Variants in CMKLR2 observed in about 807,000 individuals in gnomAD.
CMKLR2 encodes chemerin-like receptor 2.
Under a neutral mutation model 23.0 loss-of-function variants are expected in CMKLR2, and 18 were observed. That is an observed-to-expected ratio of 0.78 (90% CI 0.54 to 1.16). The LOEUF (loss-of-function observed/expected upper bound fraction) is 1.16, where lower values mean the gene tolerates loss of function less well. Ranked by LOEUF, CMKLR2 falls within the 50% of genes most tolerant of loss-of-function variation. CMKLR2 has a pLI of 0.00. For synonymous variants in CMKLR2, 158 were observed against 158.9 expected (o/e 0.99, Z 0.05); for missense variants, 401 against 412.7 (o/e 0.97, Z 0.25).
chr2:206,201,659 A>C (rs77497798), intron 1 of CMKLR2, among the ~76,000 whole-genome samples: 6,308 of 152,242 alleles, frequency 0.041, 187 homozygotes, highest in East Asian at 0.12. Context: ...ACAGCTAAAA[A>C]AAAAAAAAAG....
chr2:206,213,361 G>A lies in CMKLR2; in HGVS notation c.-83C>T, dbSNP rs972263587. ...TTGTCATGCCTGGGTGTACCTTCCC[G>A]GTTCCAGAATGAAATGGAGGGTGGT... is the stretch of plus-strand genomic sequence containing the variant. On this transcript the variant is annotated 5_prime_UTR_variant, in exon 1 of 2. Transcript: ENST00000621141. The A allele has an allele frequency of 1.3e-5, 2 of 152,150 alleles. No homozygotes were observed. The highest frequency in any genetic ancestry group is 2.4e-5 in the African/African-American group (1 of 41,430). 9.4% of individuals were successfully genotyped at this position (152,150 alleles called of 1,614,324 possible).
rs552157944 is a variant in CMKLR2 at position 206,196,275 on chromosome 2, G to A, written c.-29+17032C>T. On this transcript the variant is annotated intron_variant, in intron 1 of 1. Coordinates refer to ENST00000621141, the MANE Select transcript of CMKLR2 (RefSeq NM_001389445.1). ...CTGTAATCCGAGCTACTTGGAGGTC[G>A]AGGCAGGAGAATCGCTGGAACCCTG... Among the ~76,000 whole-genome samples, 11 of 152,188 alleles carry A rather than the reference G, an allele frequency of 7.2e-5. 1 individual carries two copies. The East Asian group carries it at 1.2e-3, about 16-fold the overall frequency.
chr2:206,213,401 C>T (rs1171172622), upstream of CMKLR2: 3 of 152,202 alleles, frequency 2.0e-5, no homozygotes, highest in African/African-American at 7.2e-5. Context: ...AGAACGGCTG[C>T]ATTCCTCATT....
chr2:206,213,166 T>C (rs541429753), intron 1 of CMKLR2, 141 bp downstream of exon 1: 75 of 152,378 alleles, frequency 4.9e-4, no homozygotes, highest in African/African-American at 1.6e-3. Context: ...GAGCATTTTG[T>C]AAACGATCAG....
intron 1 of CMKLR2, among the ~76,000 whole-genome samples, chr2:206,183,219 G>A (rs1576038796): frequency 6.6e-6 from 1 of 152,138 alleles, no homozygotes; most frequent in Non-Finnish European, 1.5e-5. Context: ...GGCCCATGGG[G>A]TGGTCTGAAT....
At chr2:206,194,382 G>A (rs969101296) in intron 1 of CMKLR2, among the ~76,000 whole-genome samples, 8 of 151,492 alleles carry the variant, frequency 5.3e-5, no homozygotes, top group African/African-American at 1.7e-4. Flanking sequence ...AGACTTGCTC[G>A]TTGACCACAA....
chr2:206,189,537 A>T (rs1688686045), intron 1 of CMKLR2, among the ~76,000 whole-genome samples: 1 of 152,006 alleles, frequency 6.6e-6, no homozygotes, highest in Non-Finnish European at 1.5e-5. Flanking sequence ...CAGGAGGCTG[A>T]GGGAGGAGAA....
At chr2:206,212,589 G>A (rs561614558) in intron 1 of CMKLR2, among the ~76,000 whole-genome samples, 2 of 152,318 alleles carry the variant, frequency 1.3e-5, no homozygotes, top group East Asian at 1.9e-4. Context: ...GGTGCTCACA[G>A]TTTCTGACTA....
upstream of CMKLR2, among the ~76,000 whole-genome samples, chr2:206,214,068 A>C (rs1327818445): frequency 6.6e-6 from 1 of 150,634 alleles, no homozygotes; most frequent in Non-Finnish European, 1.5e-5. Context: ...TGGCCCGGCT[A>C]GTCTTGAATT....
intron 1 of CMKLR2, among the ~76,000 whole-genome samples, chr2:206,187,301 A>T (rs865949806): frequency 6.6e-6 from 1 of 152,284 alleles, no homozygotes; most frequent in East Asian, 1.9e-4. Context: ...TAAAATAAAA[A>T]AAAGAATGAA....
At chr2:206,177,590 T>C (rs1688274684) in intron 1 of CMKLR2, among the ~76,000 whole-genome samples, 1 of 152,160 alleles carries the variant, frequency 6.6e-6, no homozygotes. Flanking sequence ...TCTCACTATG[T>C]TGCCCAGGCT....
In CMKLR2 at chr2:206,211,828, C is replaced by CTTTT. The variant is rs370176400; in HGVS notation, c.-29+1475_-29+1478dup. On this transcript the variant is annotated intron_variant, in intron 1 of 1. Transcript: ENST00000621141. ...AAATTCTAACTACCCATCTGAGTCA[C>CTTTT]TTTTTTTTTTTTTTTTTTTTAAGCT... Among the ~76,000 whole-genome samples the CTTTT allele has an allele frequency of 7.5e-5, 8 of 106,380 alleles. 1 individual carries two copies. The highest frequency in any genetic ancestry group is 6.8e-3 in the Middle Eastern group (1 of 146). The allele number at this position is 106,380 out of a possible 152,430, so 69.8% of individuals were successfully genotyped here. A position where few individuals can be genotyped will look rare whatever the true frequency, so the allele number is the denominator to read the frequency against.
intron 1 of CMKLR2, among the ~76,000 whole-genome samples, chr2:206,178,689 A>C (rs1468100570): frequency 6.6e-6 from 1 of 151,992 alleles, no homozygotes; most frequent in Non-Finnish European, 1.5e-5. Flanking sequence ...ACCTCCCGTT[A>C]CAGAGGCTGG....
upstream of CMKLR2, among the ~76,000 whole-genome samples, chr2:206,214,695 C>A (rs1174158313): frequency 6.6e-6 from 1 of 152,016 alleles, no homozygotes; most frequent in African/African-American, 2.4e-5. Flanking sequence ...ACGATCTCGG[C>A]TCACTGCAAG....
intron 1 of CMKLR2, among the ~76,000 whole-genome samples, chr2:206,195,277 G>A (rs765477358): frequency 2.6e-5 from 4 of 152,168 alleles, no homozygotes; most frequent in Admixed American, 2.0e-4. Flanking sequence ...AGGAACCAGT[G>A]AGAAAGGAGG....
chr2:206,194,261 T>C (rs984501545), intron 1 of CMKLR2, among the ~76,000 whole-genome samples: 5 of 152,272 alleles, frequency 3.3e-5, no homozygotes, highest in Non-Finnish European at 7.4e-5. Flanking sequence ...AGAACTTCCT[T>C]TCATTCGTAC....
intron 1 of CMKLR2, among the ~76,000 whole-genome samples, chr2:206,187,431 G>T (rs1688616638): frequency 6.6e-6 from 1 of 152,234 alleles, no homozygotes; most frequent in South Asian, 2.1e-4. Context: ...GTGGAGATTA[G>T]ATCGTGAAAA....
intron 1 of CMKLR2, among the ~76,000 whole-genome samples, chr2:206,182,639 T>G (rs978853991): frequency 6.6e-6 from 1 of 152,138 alleles, no homozygotes; most frequent in Non-Finnish European, 1.5e-5. Flanking sequence ...CCTTTTTTTT[T>G]TGGATGGAGT....
chr2:206,193,158 G>A (rs1688806789), intron 1 of CMKLR2, among the ~76,000 whole-genome samples: 1 of 152,096 alleles, frequency 6.6e-6, no homozygotes, highest in African/African-American at 2.4e-5. Context: ...GAATGCAATG[G>A]CACGATCTTG....
Sources: gnomAD v4.1 joint callset for allele counts (sites outside exome capture counted in the v4.1 genomes callset) on GRCh38, gnomAD v4.1.1 for gene constraint, MANE v1.5 for transcripts, NCBI Gene and HGNC (gene_info 2026-07-23, HGNC 2026-07-21) for gene names.